DPY19L3: variants seen among roughly 807,000 people sequenced by gnomAD.
DPY19L3 encodes protein C-mannosyl-transferase DPY19L3.
DPY19L3 carries 51 observed loss-of-function variants against 92.3 expected under a neutral mutation model. That is an observed-to-expected ratio of 0.55 (90% CI 0.44 to 0.70). The LOEUF (loss-of-function observed/expected upper bound fraction) is 0.70. Ranked by LOEUF, DPY19L3 falls within the 30% of genes least tolerant of loss-of-function variation. The probability of loss-of-function intolerance (pLI) is 0.00; values close to 1 mark genes in which losing one functional copy is unlikely to be tolerated. For synonymous variants in DPY19L3, 309 were observed against 315.2 expected, an observed-to-expected ratio of 0.98 and a Z score of 0.21; for missense variants, 706 against 855.9, an observed-to-expected ratio of 0.82 and a Z score of 2.18.
At chr19:32,473,843 G>A (rs868331006) in intron 16 of DPY19L3, among the ~76,000 whole-genome samples, 32 of 152,246 alleles carry the variant, frequency 2.1e-4, no homozygotes, top group African/African-American at 5.8e-4. Flanking sequence ...AATCTCTGTC[G>A]CCCAGGCTGT....
intron 3 of DPY19L3, among the ~76,000 whole-genome samples, chr19:32,432,376 A>G (rs186408903): frequency 1.8e-4 from 27 of 152,310 alleles, no homozygotes; most frequent in Non-Finnish European, 3.7e-4. Flanking sequence ...GGTAGCTTTT[A>G]GGTAGGTGTC....
At position 32,458,107 on chromosome 19, in the gene DPY19L3, T is replaced by G; in HGVS notation, c.1097T>G (p.Leu366Arg). 1 of 1,613,062 alleles carries G rather than the reference T, an allele frequency of 6.2e-7. No individual in the cohort carries two copies. The highest frequency in any genetic ancestry group is 8.5e-7 in the Non-Finnish European group (1 of 1,179,710). ...TTTCTCTTTCCCCGATAGAAAATTC[T>G]TAACCTGAAGTCAGATGAACACATA... ...LFLNNIIKKILNLKSDEHIFK... is the reference protein window; with the variant it reads ...LFLNNIIKKIRNLKSDEHIFK... Residue 366 changes from leucine (L) to arginine (R), a missense_variant, in exon 11 of 19, where the codon CTT becomes CGT. Physicochemically the swap from Leu to Arg is moderately radical, Grantham distance 102 (BLOSUM62 -2). Transcript: ENST00000392250.
At chr19:32,450,500 A>G (rs1369785182) in intron 8 of DPY19L3, among the ~76,000 whole-genome samples, 1 of 152,248 alleles carries the variant, frequency 6.6e-6, no homozygotes, top group Non-Finnish European at 1.5e-5. Context: ...TATCCCTTCC[A>G]TAAACAGTGT....
At chr19:32,473,228 G>A (rs945165536) in intron 16 of DPY19L3, among the ~76,000 whole-genome samples, 1 of 152,208 alleles carries the variant, frequency 6.6e-6, no homozygotes, top group Admixed American at 6.5e-5. Context: ...ATTATTTAGT[G>A]ACATTTCTTA....
intron 13 of DPY19L3, 52 bp downstream of exon 13, chr19:32,463,540 T>A: frequency 6.4e-7 from 1 of 1,563,052 alleles, no homozygotes; most frequent in Non-Finnish European, 8.7e-7. Context: ...CTCTTGATGT[T>A]ACTTAGCAAT....
intron 9 of DPY19L3, among the ~76,000 whole-genome samples, chr19:32,453,817 A>T (rs775024547): frequency 6.6e-6 from 1 of 152,118 alleles, no homozygotes. Flanking sequence ...TTCCTAGGGT[A>T]TTGTCAAATC....
chr19:32,406,935 C>G (rs961672684), intron 1 of DPY19L3, among the ~76,000 whole-genome samples: 1 of 151,518 alleles, frequency 6.6e-6, no homozygotes, highest in South Asian at 2.1e-4. Flanking sequence ...CACTCCTCTT[C>G]TCCCTCTCTG....
chr19:32,441,365 A>G (rs776252763), intron 8 of DPY19L3, among the ~76,000 whole-genome samples: 1 of 152,134 alleles, frequency 6.6e-6, no homozygotes, highest in Non-Finnish European at 1.5e-5. Context: ...AGCGAAACAT[A>G]GAGAAAATGA....
intron 16 of DPY19L3, among the ~76,000 whole-genome samples, chr19:32,470,158 T>C (rs1970314361): frequency 6.6e-6 from 1 of 152,266 alleles, no homozygotes; most frequent in Admixed American, 6.5e-5. Context: ...ATTTTTCACA[T>C]ATTTCTGGTG....
chr19:32,414,408 C>CT (rs1387089799), intron 3 of DPY19L3, among the ~76,000 whole-genome samples: 2 of 117,922 alleles, frequency 1.7e-5, no homozygotes, highest in Non-Finnish European at 3.7e-5. Flanking sequence ...GTGACAGACT[C>CT]TGTCTCCAAA....
At chr19:32,411,413 G>A in intron 3 of DPY19L3, 41 bp downstream of exon 3, 1 of 1,609,738 alleles carries the variant, frequency 6.2e-7, no homozygotes, top group East Asian at 2.2e-5. Flanking sequence ...CACTCAGTGG[G>A]ATCTCCAGTA....
intron 1 of DPY19L3, among the ~76,000 whole-genome samples, chr19:32,407,445 C>T (rs1206882780): frequency 1.3e-5 from 2 of 152,146 alleles, no homozygotes; most frequent in Non-Finnish European, 2.9e-5. Context: ...CTTCAAAATC[C>T]GGTTGTCAAC....
intron 3 of DPY19L3, among the ~76,000 whole-genome samples, chr19:32,415,062 C>CCT (rs1968331920): frequency 6.6e-6 from 1 of 152,188 alleles, no homozygotes; most frequent in Non-Finnish European, 1.5e-5. Flanking sequence ...ATATTAAGCA[C>CCT]CTACAGTATG....
intron 8 of DPY19L3, among the ~76,000 whole-genome samples, chr19:32,440,708 A>T (rs922418865): frequency 1.4e-4 from 22 of 152,224 alleles, no homozygotes; most frequent in Non-Finnish European, 1.0e-4. Context: ...AGAAAATGCC[A>T]ATATGTGTAA....
intron 13 of DPY19L3, 34 bp from the exon 14 acceptor site, chr19:32,463,835 T>A (rs750649024): frequency 4.5e-6 from 7 of 1,542,074 alleles, no homozygotes; most frequent in Non-Finnish European, 6.3e-6. Context: ...ATACAACTAG[T>A]ACTTCTGACT....
intron 4 of DPY19L3, among the ~76,000 whole-genome samples, chr19:32,435,018 G>C (rs77350740): frequency 6.6e-6 from 1 of 152,104 alleles, no homozygotes; most frequent in South Asian, 2.1e-4. Context: ...TTAAACAACA[G>C]AGATTTTTCT....
intron 2 of DPY19L3, 72 bp from the exon 3 acceptor site, chr19:32,411,167 A>C: frequency 6.7e-7 from 1 of 1,487,146 alleles, no homozygotes; most frequent in South Asian, 1.3e-5. Context: ...TTACTTGATA[A>C]TCTGAAGTAG....
chr19:32,406,941 C>G (rs370620323), intron 1 of DPY19L3, among the ~76,000 whole-genome samples: 1 of 151,296 alleles, frequency 6.6e-6, no homozygotes, highest in Admixed American at 6.6e-5. Context: ...TCTTCTCCCT[C>G]TCTGTTCCAG....
chr19:32,411,702 G>A, intron 3 of DPY19L3: 1 of 315,186 alleles, frequency 3.2e-6, no homozygotes, highest in Non-Finnish European at 5.6e-6. Context: ...CAAGTAGCTG[G>A]GACTATAGGT....
Sources: gnomAD v4.1 joint callset for allele counts (sites outside exome capture counted in the v4.1 genomes callset) on GRCh38, gnomAD v4.1.1 for gene constraint, MANE v1.5 for transcripts, NCBI Gene and HGNC (gene_info 2026-07-23, HGNC 2026-07-21) for gene names.